The following CDAN1 variants were observed in gnomAD, a reference collection of about 807,000 sequenced individuals.
CDAN1 encodes codanin 1, also known as codanin-1.
CDAN1 carries 107 observed loss-of-function variants against 139.8 expected under a neutral mutation model. The observed-to-expected ratio is 0.77, with a 90% confidence interval of 0.65 to 0.90. The LOEUF is 0.90. Ranked by LOEUF, CDAN1 falls within the 40% of genes least tolerant of loss-of-function variation. The pLI, the probability that CDAN1 is intolerant of heterozygous loss-of-function variation, is 0.00. For missense variants in CDAN1, 1,667 were observed against 1,575.7 expected (o/e 1.06, Z -0.98); for synonymous variants, 776 against 660.6 (o/e 1.17, Z -2.68).
chr15:42,724,252 TCTA>T lies in CDAN1; in HGVS notation c.*236_*238del. On this transcript the variant is annotated 3_prime_UTR_variant, in exon 28 of 28. Transcript: ENST00000356231. Reference sequence around the variant, plus strand: ...CAAGAGATAAACAAACACCACCTCTTCTACTCCAGGACTGGCATCTCTGGACTT... The same window carrying T: ...CAAGAGATAAACAAACACCACCTCTTCTCCAGGACTGGCATCTCTGGACTT... 1 of 528,584 alleles carries T rather than the reference TCTA, an allele frequency of 1.9e-6. No homozygotes were observed. 32.7% of individuals were successfully genotyped at this position (528,584 alleles called of 1,614,324 possible).
intron 15 of CDAN1, 53 bp downstream of exon 15, chr15:42,730,075 C>A: frequency 2.0e-6 from 3 of 1,526,414 alleles, no homozygotes; most frequent in Non-Finnish European, 2.7e-6. Context: ...TTTGCCCACT[C>A]CCCATCTTCA....
chr15:42,725,056 G>C (rs2061504372), intron 27 of CDAN1, 88 bp downstream of exon 27: 1 of 1,093,556 alleles, frequency 9.1e-7, no homozygotes, highest in Non-Finnish European at 1.4e-6. Flanking sequence ...AATCCACTTA[G>C]TTTGGCCCCA....
chr15:42,736,517 G>T lies in CDAN1; in HGVS notation c.354C>A (p.Arg118=). Residue 118 remains arginine (R), a synonymous_variant, in exon 2 of 28, where the codon CGC becomes CGA. Coordinates refer to ENST00000356231, the MANE Select transcript of CDAN1 (RefSeq NM_138477.4). ...GCCCCGGGCCCCGCCTCCTGCCCCC[G>T]CGGCGGGCCAGAGGGGCCTCGGCAG... is the stretch of plus-strand genomic sequence containing the variant. ...STAAEAPLAR[R]GGRRRGPGPA... The T allele has an allele frequency of 7.1e-7, 1 of 1,413,176 alleles. No individual in the cohort carries two copies. The highest frequency in any genetic ancestry group is 9.2e-7 in the Non-Finnish European group (1 of 1,088,570). The allele number at this position is 1,413,176 out of a possible 1,614,324, so 87.5% of individuals were successfully genotyped here. A position where few individuals can be genotyped will look rare whatever the true frequency, so the allele number is the denominator to read the frequency against.
At chr15:42,726,575 A>T in intron 23 of CDAN1, 158 bp from the exon 24 acceptor site, 1 of 623,124 alleles carries the variant, frequency 1.6e-6, no homozygotes, top group South Asian at 1.9e-5. Flanking sequence ...GGACTTGGGC[A>T]GGATAATACA....
rs914293949 is a variant in CDAN1, at chr15:42,736,544, G to A, written c.327C>T (p.Thr109=). 1.4e-6 allele frequency: 2 copies of A among 1,470,546 alleles called. No homozygotes were observed. The highest frequency in any genetic ancestry group is 1.3e-5 in the South Asian group (1 of 76,974). The allele number at this position is 1,470,546 out of a possible 1,614,324, so 91.1% of individuals were successfully genotyped here. Residue 109 remains threonine, a synonymous_variant, in exon 2 of 28, where the codon ACC becomes ACT. Coordinates refer to ENST00000356231, the MANE Select transcript of CDAN1 (RefSeq NM_138477.4). ...GGCGGGCCAGAGGGGCCTCGGCAGC[G>A]GTGCTCTGGGCCTCGGTCGGAGGGA... ...QLFPPTEAQS[T]AAEAPLARRG...
rs1173532197 is a variant in CDAN1, at chr15:42,735,623, G to A, written c.830C>T (p.Ser277Leu). ...GCTTCCTGTCCGGCTGGGGAGGGGC[G>A]ACCCCAATTCTGGGGTGGGACAGGT... ...TPTCPTPELG[S>L]PLPSRTGSLT... The change falls in exon 4 of 28, where the codon TCG becomes TTG. Residue 277 changes from serine (S) to leucine (L), a missense_variant. Physicochemically the swap from Ser to Leu is moderately radical, Grantham distance 145 (BLOSUM62 -2). This residue lies in a region of CDAN1 where 487 missense variants were observed against 422.2 expected (regional missense o/e 1.15). Coordinates refer to ENST00000356231, the MANE Select transcript of CDAN1 (RefSeq NM_138477.4). 2.5e-6 allele frequency: 4 copies of A among 1,613,974 alleles called. No individual in the cohort carries two copies. The highest frequency in any genetic ancestry group is 1.1e-5 in the South Asian group (1 of 91,090).
At chr15:42,728,416 AG>A in intron 20 of CDAN1, 149 bp from the exon 21 acceptor site, 1 of 807,516 alleles carries the variant, frequency 1.2e-6, no homozygotes, top group Non-Finnish European at 2.0e-6. Context: ...CAGGTGCCAG[AG>A]AAAAGACAAG....
chr15:42,730,503 A>C (rs1463919542), intron 14 of CDAN1, 95 bp downstream of exon 14: 13 of 1,414,774 alleles, frequency 9.2e-6, no homozygotes, highest in Admixed American at 1.8e-5. Context: ...CCACACGCAC[A>C]GTGCAGACTG....
At position 42,726,485 on chromosome 15, in the gene CDAN1, GA is replaced by G. The variant is rs143281373; in HGVS notation, c.3097-69del. Reference sequence around the variant, plus strand: ...GGATGCCACAGAGAATTTGGCTTGGGACAGGGATCAGCCAGTGGAGAGAGGC... The same window carrying G: ...GGATGCCACAGAGAATTTGGCTTGGGCAGGGATCAGCCAGTGGAGAGAGGC... On this transcript the variant is annotated intron_variant, in intron 23 of 27. Coordinates refer to ENST00000356231, the MANE Select transcript of CDAN1 (RefSeq NM_138477.4). 1.5e-5 allele frequency: 19 copies of G among 1,291,570 alleles called. No homozygotes were observed. In the African/African-American group the frequency reaches 2.8e-4, roughly 19 times the overall value. 80.0% of individuals were successfully genotyped at this position (1,291,570 alleles called of 1,614,324 possible). A position where few individuals can be genotyped will look rare whatever the true frequency, so the allele number is the denominator to read the frequency against.
In CDAN1 at chr15:42,736,334, A is replaced by T. The variant is rs1320871510; in HGVS notation, c.537T>A (p.Pro179=). The part of the protein sequence containing the change: ...PPNLSNLEEF[P]PVGSVPPGPT... ...GGCCGGGGGGAACCGAGCCTACGGG[A>T]GGGAACTCCTCCAGGTTGCTGAGGT... Residue 179 remains proline, a synonymous_variant, in exon 2 of 28, where the codon CCT becomes CCA. Coordinates refer to ENST00000356231, the MANE Select transcript of CDAN1 (RefSeq NM_138477.4). 6.2e-7 allele frequency: 1 copy of T among 1,613,682 alleles called. No homozygotes were observed. Among genetic ancestry groups the T allele is most frequent in the East Asian group, 2.2e-5 (1 of 44,830 alleles).
intron 14 of CDAN1, 58 bp from the exon 15 acceptor site, chr15:42,730,273 A>C: frequency 1.4e-6 from 2 of 1,472,664 alleles, no homozygotes; most frequent in Non-Finnish European, 1.9e-6. Context: ...GAATGGAGGC[A>C]AACGCCATCA....
At chr15:42,730,493 C>T in intron 14 of CDAN1, 105 bp downstream of exon 14, 1 of 1,346,480 alleles carries the variant, frequency 7.4e-7, no homozygotes, top group South Asian at 1.2e-5. Flanking sequence ...GGCCAGGGCC[C>T]CACACGCACA....
In CDAN1 at chr15:42,730,946, G is replaced by A; in HGVS notation, c.1986C>T (p.Ser662=). 2 of 1,614,216 alleles carry A rather than the reference G, an allele frequency of 1.2e-6. No individual in the cohort carries two copies. The highest frequency in any genetic ancestry group is 1.7e-6 in the Non-Finnish European group (2 of 1,180,038). The stretch of plus-strand genomic sequence containing the variant: ...TCACCTGGCTCCTGAGGGCCAGAAT[G>A]GAGTCCTGAAGCTCACCGGTCGGGG... The part of the protein sequence containing the change: ...EPPPTGELQD[S]ILALRSQVPP... Residue 662 remains serine, a synonymous_variant, in exon 13 of 28, where the codon TCC becomes TCT. Transcript: ENST00000356231.
intron 2 of CDAN1, 26 bp downstream of exon 2, chr15:42,736,276 T>TC (rs1451840738): frequency 6.2e-7 from 1 of 1,612,584 alleles, no homozygotes; most frequent in Non-Finnish European, 8.5e-7. Context: ...GTGGTACCCA[T>TC]CTCCTGCATG....
intron 18 of CDAN1, 44 bp downstream of exon 18, chr15:42,729,185 A>G (rs777859579): frequency 7.0e-6 from 10 of 1,434,322 alleles, no homozygotes; most frequent in South Asian, 6.8e-5. Context: ...CCCGCCCCCA[A>G]CCCCCCCTCA....
chr15:42,728,361 G>T, intron 20 of CDAN1, 94 bp from the exon 21 acceptor site: 2 of 1,414,174 alleles, frequency 1.4e-6, no homozygotes, highest in Non-Finnish European at 1.0e-6. Context: ...TGACCTGGGA[G>T]GCTGTACCTT....
intron 26 of CDAN1, 40 bp from the exon 27 acceptor site, chr15:42,725,291 CAG>C (rs2061509767): frequency 6.3e-7 from 1 of 1,578,044 alleles, no homozygotes. Flanking sequence ...AGGAGGACGA[CAG>C]AGTGACCCTG....
At chr15:42,726,689 CA>C in intron 23 of CDAN1, 1 of 540,760 alleles carries the variant, frequency 1.8e-6, no homozygotes, top group South Asian at 2.3e-5. Context: ...AACTTGGGAC[CA>C]AACTGTAGCT....
intron 10 of CDAN1, 55 bp from the exon 11 acceptor site, chr15:42,731,880 G>C (rs2061617598): frequency 7.9e-5 from 115 of 1,460,664 alleles, no homozygotes; most frequent in Middle Eastern, 1.7e-4. Flanking sequence ...GGGAGGGAAG[G>C]ACTGAACAAA....
Sources: gnomAD v4.1 joint callset for allele counts on GRCh38, gnomAD v4.1.1 for gene constraint, gnomAD v4.1.1 regional missense constraint, MANE v1.5 for transcripts, NCBI Gene and HGNC (gene_info 2026-07-23, HGNC 2026-07-21) for gene names.